Variants in MTERF4 observed in about 807,000 individuals in gnomAD.
MTERF4 encodes mitochondrial transcription termination factor 4.
A neutral mutation model predicts 22.5 loss-of-function variants in MTERF4; 17 were observed. That is an observed-to-expected ratio of 0.75 (90% CI 0.52 to 1.13). MTERF4 has a LOEUF of 1.13. MTERF4 is among the 50% of genes most tolerant of loss of function. The probability of loss-of-function intolerance (pLI) is 0.00; values close to 1 mark genes in which losing one functional copy is unlikely to be tolerated. For missense variants in MTERF4, 420 were observed against 466.8 expected (o/e 0.90, Z 0.92); for synonymous variants, 165 against 175.3 (o/e 0.94, Z 0.47).
At chr2:241,099,967 G>A in intron 1 of MTERF4, 73 bp from the exon 2 acceptor site, 1 of 1,518,446 alleles carries the variant, frequency 6.6e-7, no homozygotes, top group Non-Finnish European at 8.8e-7. Flanking sequence ...AGACTTCTGA[G>A]CCAGAGTACT....
At chr2:241,081,633 T>C (rs1461986338) in intron 4 of MTERF4, 2 of 1,419,018 alleles carry the variant, frequency 1.4e-6, no homozygotes, top group East Asian at 2.5e-5. Context: ...GGCAGGCCTG[T>C]CCTGGGGTTC....
chr2:241,049,284 C>T, the MTERF4 span: 3 of 626,394 alleles, frequency 4.8e-6, no homozygotes, highest in Non-Finnish European at 8.5e-6. Flanking sequence ...TCTCAATAGC[C>T]TTCCTGTAAT....
chr2:241,083,193 C>G (rs1317274908), downstream of MTERF4, among the ~76,000 whole-genome samples: 2 of 152,186 alleles, frequency 1.3e-5, no homozygotes, highest in African/African-American at 4.8e-5. Context: ...AGAGGGCAGC[C>G]TCCTGGGGAG....
the MTERF4 span, chr2:241,065,260 G>A: frequency 6.2e-7 from 1 of 1,607,904 alleles, no homozygotes; most frequent in South Asian, 1.1e-5. Context: ...GCTAACGGCT[G>A]ACCAGTCCCC....
chr2:241,099,794 C>T lies in MTERF4; in HGVS notation c.122G>A (p.Arg41His), dbSNP rs367795757. ...EQRRTTASLL[R>H]KLTTASNGGV... is the part of the protein sequence containing the mutation. Reference sequence around the variant, plus strand: ...TCCATTGGAGGCTGTAGTCAGTTTGCGCAACAAAGAAGCTGTCGTCCTTCT... The same window carrying T: ...TCCATTGGAGGCTGTAGTCAGTTTGTGCAACAAAGAAGCTGTCGTCCTTCT... Residue 41 changes from arginine to histidine, a missense_variant, in exon 2 of 4, where the codon CGC (arginine) becomes CAC (histidine). Transcript: ENST00000391980. 1.6e-5 allele frequency: 26 copies of T among 1,613,962 alleles called. No individual in the cohort carries two copies. Among genetic ancestry groups the T allele is most frequent in the East Asian group, 8.9e-5 (4 of 44,882 alleles).
downstream of MTERF4, chr2:241,094,355 T>A (rs2302047): frequency 0.2 from 92,823 of 470,608 alleles, 9,673 homozygotes; most frequent in Middle Eastern, 0.27. The surrounding 1 kb of genome is among the most constrained non-coding windows in gnomAD (Gnocchi z 4.3). Context: ...TGTGGCGATG[T>A]GGACGGAGTC....
the MTERF4 span, among the ~76,000 whole-genome samples, chr2:241,054,821 A>T: frequency 4.0e-3 from 615 of 151,924 alleles, 3 homozygotes; most frequent in African/African-American, 7.4e-3. Flanking sequence ...AATAAATAAA[A>T]AAGAAAATGT....
At chr2:241,099,160 C>T (rs543710598) in intron 2 of MTERF4, 23 of 461,588 alleles carry the variant, frequency 5.0e-5, no homozygotes, top group Non-Finnish European at 6.9e-5. Context: ...CTGCAACCTC[C>T]GCCTCCTGGG....
chr2:241,079,957 G>T (rs2063251560), intron 4 of MTERF4, among the ~76,000 whole-genome samples: 1 of 152,144 alleles, frequency 6.6e-6, no homozygotes, highest in African/African-American at 2.4e-5. Context: ...TCAGTGTAAA[G>T]AATTAAAAAT....
chr2:241,101,115 T>A (rs2064685540), intron 1 of MTERF4: 1 of 458,566 alleles, frequency 2.2e-6, no homozygotes, highest in Admixed American at 2.4e-5. Flanking sequence ...GCACTTTATT[T>A]CTGTTATTTT....
the MTERF4 span, chr2:241,051,468 A>G: frequency 2.8e-6 from 1 of 359,766 alleles, no homozygotes; most frequent in Non-Finnish European, 5.0e-6. This position sits in a 1 kb window ranked among gnomAD's most constrained non-coding sequence, Gnocchi z 4.7. Flanking sequence ...GGTTCTCCAC[A>G]GGAAGGGCCC....
the MTERF4 span, among the ~76,000 whole-genome samples, chr2:241,045,156 A>T: frequency 6.6e-6 from 1 of 152,254 alleles, no homozygotes; most frequent in Non-Finnish European, 1.5e-5. Context: ...AAAGAAATCA[A>T]GATCAAGTAA....
At chr2:241,072,004 C>A (rs1395574773), downstream of MTERF4, 12 of 862,766 alleles carry the variant, frequency 1.4e-5, no homozygotes, top group Non-Finnish European at 1.5e-5. Flanking sequence ...AGCCAGTGAC[C>A]CCCACCCCGA....
exon 5 of MTERF4, chr2:241,074,960 A>G (rs1204051422): frequency 2.0e-5 from 3 of 152,154 alleles, no homozygotes; most frequent in African/African-American, 7.2e-5. Context: ...TATGGTACAT[A>G]TATGTATGGC....
In MTERF4 at chr2:241,075,823, G is replaced by A. The variant is rs1187276339; in HGVS notation, n.480-141C>T. ...TTTTTTCACAAAGATGTAAAGTTTTGCTTTTGACCTGTAGGTCATTAATCT... is the reference window on the plus strand; with the variant it reads ...TTTTTTCACAAAGATGTAAAGTTTTACTTTTGACCTGTAGGTCATTAATCT... On this transcript the variant is annotated intron_variant and non_coding_transcript_variant, in intron 4 of 4. Transcript: ENST00000464344. This position sits in a 1 kb window ranked among gnomAD's most constrained non-coding sequence, Gnocchi z 4.8. 1 of 151,926 alleles carries A rather than the reference G, an allele frequency of 6.6e-6. No individual in the cohort carries two copies. The highest frequency in any genetic ancestry group is 1.5e-5 in the Non-Finnish European group (1 of 68,000). 9.4% of individuals were successfully genotyped at this position (151,926 alleles called of 1,614,324 possible).
chr2:241,096,226 G>C lies in MTERF4; in HGVS notation c.918C>G (p.Ala306=), dbSNP rs757889803. 6.2e-7 allele frequency: 1 copy of C among 1,614,186 alleles called. No homozygotes were observed. The highest frequency in any genetic ancestry group is 8.5e-7 in the Non-Finnish European group (1 of 1,180,036). Residue 306 remains alanine, a synonymous_variant, in exon 4 of 4, where the codon GCC becomes GCG. Transcript: ENST00000391980. This position sits in a 1 kb window ranked among gnomAD's most constrained non-coding sequence, Gnocchi z 5.1. ...CTTGAAACTCCTCAACAGAAGTACA[G>C]GCTGTCCTGGCCAAAAACTCAGCTT... ...VSEAEFLART[A]CTSVEEFQVF... is the part of the protein sequence containing the mutation.
At chr2:241,053,126 T>TGC in the MTERF4 span, 2 of 1,597,846 alleles carry the variant, frequency 1.3e-6, no homozygotes, top group South Asian at 2.2e-5. Flanking sequence ...CACAGGACCG[T>TGC]GCGAGACAGG....
At chr2:241,049,971 C>T in the MTERF4 span, 29 of 1,496,434 alleles carry the variant, frequency 1.9e-5, no homozygotes, top group Admixed American at 3.3e-4. Flanking sequence ...GCGTCAGCAC[C>T]CTGGAGAGCG....
chr2:241,099,534 T>C lies in MTERF4; in HGVS notation c.382A>G (p.Ile128Val). 1.2e-6 allele frequency: 2 copies of C among 1,614,180 alleles called. No homozygotes were observed. The highest frequency in any genetic ancestry group is 1.1e-5 in the South Asian group (1 of 91,078). Residue 128 changes from isoleucine (I) to valine (V), a missense_variant, in exon 2 of 4, where the codon ATT (isoleucine) becomes GTT (valine). Coordinates refer to ENST00000391980, the MANE Select transcript of MTERF4 (RefSeq NM_182501.4). ...AGACCCAAGAGAATAAATTCTGAAA[T>C]GATGTCCAGCAACTGTTGAAGACTG... ...GASLQQLLDI[I>V]SEFILLGLNP... is the part of the protein sequence containing the mutation.
Sources: gnomAD v4.1 joint callset for allele counts (sites outside exome capture counted in the v4.1 genomes callset) on GRCh38, gnomAD v4.1.1 for gene constraint, Gnocchi (gnomAD v3.1) non-coding constraint, MANE v1.5 for transcripts, NCBI Gene and HGNC (gene_info 2026-07-23, HGNC 2026-07-21) for gene names.